The following PRTG variants were observed in gnomAD, a reference collection of about 807,000 sequenced individuals.
PRTG encodes protogenin, also known as immunoglobulin superfamily, DCC subclass, member 5.
Under a neutral mutation model 122.5 loss-of-function variants are expected in PRTG, and 67 were observed. The ratio of observed to expected loss-of-function variants is 0.55; its 90% confidence interval spans 0.45 to 0.67. The LOEUF (loss-of-function observed/expected upper bound fraction) is 0.67, where lower values mean the gene tolerates loss of function less well. Ranked by LOEUF, PRTG falls within the 30% of genes least tolerant of loss-of-function variation. The pLI is 0.00. For missense variants in PRTG, 1,435 were observed against 1,415.4 expected (o/e 1.01, Z -0.22); for synonymous variants, 554 against 501.1 (o/e 1.11, Z -1.41).
Position 55,742,915 on chromosome 15 carries a change from C to T in PRTG, c.17G>A (p.Arg6Gln). The T allele has an allele frequency of 6.6e-7, 1 of 1,525,828 alleles. No homozygotes were observed. The highest frequency in any genetic ancestry group is 2.3e-4 in the Middle Eastern group (1 of 4,312). 94.5% of individuals were successfully genotyped at this position (1,525,828 alleles called of 1,614,324 possible). A position where few individuals can be genotyped will look rare whatever the true frequency, so the allele number is the denominator to read the frequency against. Residue 6 changes from arginine (R) to glutamine (Q), a missense_variant, in exon 1 of 20, where the codon CGA becomes CAA. Coordinates refer to ENST00000389286, the MANE Select transcript of PRTG (RefSeq NM_173814.6). ...CGGCGGTCGCAGCCGGGCGAGGGGTCGCAGAGGAGGCGCCATTCAGCGTAG... is the reference window on the plus strand; with the variant it reads ...CGGCGGTCGCAGCCGGGCGAGGGGTTGCAGAGGAGGCGCCATTCAGCGTAG... MAPPLRPLARLRPPGM... is the reference protein window; with the variant it reads MAPPLQPLARLRPPGM...
In PRTG at chr15:55,677,815, G is replaced by A; in HGVS notation, c.1363C>T (p.His455Tyr). 4.3e-6 allele frequency: 7 copies of A among 1,613,800 alleles called. No homozygotes were observed. Among genetic ancestry groups the A allele is most frequent in the Non-Finnish European group, 5.1e-6 (6 of 1,179,782 alleles). Residue 455 changes from histidine (H) to tyrosine (Y), a missense_variant, in exon 8 of 20, where the codon CAC (histidine) becomes TAC (tyrosine). Physicochemically the swap from His to Tyr is moderately conservative, Grantham distance 83. Transcript: ENST00000389286. ...CGCTTACCTTCTGCTTTCATGTAGTGTACAGAATAGGCAATGACTTTGTCT... is the reference window on the plus strand; with the variant it reads ...CGCTTACCTTCTGCTTTCATGTAGTATACAGAATAGGCAATGACTTTGTCT... ...NSDKVIAYSV[H>Y]YMKAEGLNNE...
At chr15:55,741,632 G>C (rs1224521071) in intron 1 of PRTG, among the ~76,000 whole-genome samples, 4 of 152,198 alleles carry the variant, frequency 2.6e-5, no homozygotes, top group African/African-American at 7.2e-5. Flanking sequence ...GGTGAATGGA[G>C]AATGGGGGTG....
chr15:55,629,510 G>A (rs2059215784), intron 15 of PRTG, among the ~76,000 whole-genome samples: 1 of 150,014 alleles, frequency 6.7e-6, no homozygotes, highest in East Asian at 2.0e-4. Flanking sequence ...TTTGAAACAT[G>A]CACACGAAAA....
rs567434246 is a variant in PRTG, at chr15:55,719,838, C to T, written c.397+20544G>A. Among the ~76,000 whole-genome samples, 3 of 152,196 alleles carry T rather than the reference C, an allele frequency of 2.0e-5. No individual in the cohort carries two copies. In the East Asian group the frequency reaches 5.8e-4, roughly 29 times the overall value. Reference sequence around the variant, plus strand: ...CTTTCGGAGGTCGAGGTGGGCAGATCACCTGAGGTCAGGAGTTCAAGACCA... The same window carrying T: ...CTTTCGGAGGTCGAGGTGGGCAGATTACCTGAGGTCAGGAGTTCAAGACCA... On this transcript the variant is annotated intron_variant, in intron 2 of 19. Coordinates refer to ENST00000389286, the MANE Select transcript of PRTG (RefSeq NM_173814.6).
intron 2 of PRTG, among the ~76,000 whole-genome samples, chr15:55,738,007 TATA>T (rs1567121682): frequency 5.1e-4 from 31 of 60,486 alleles, no homozygotes; most frequent in South Asian, 4.8e-3. Flanking sequence ...TCTCTCTATA[TATA>T]TATATATATA....
intron 11 of PRTG, among the ~76,000 whole-genome samples, chr15:55,671,215 G>C (rs2059469267): frequency 1.3e-5 from 2 of 152,154 alleles, no homozygotes. Context: ...TGAGTCCAGG[G>C]AAGGACACAG....
intron 2 of PRTG, among the ~76,000 whole-genome samples, chr15:55,696,061 G>A (rs1327052863): frequency 6.6e-6 from 1 of 152,032 alleles, no homozygotes; most frequent in African/African-American, 2.4e-5. Context: ...GTTCATTTGA[G>A]GAGTTTGAGA....
intron 2 of PRTG, among the ~76,000 whole-genome samples, chr15:55,727,168 T>C (rs147791958): frequency 5.2e-4 from 79 of 151,068 alleles, no homozygotes; most frequent in African/African-American, 1.8e-3. Flanking sequence ...ACTAGAGTGG[T>C]GATAAATGAA....
At position 55,740,601 on chromosome 15, in the gene PRTG, A is replaced by G. The variant is rs1400449676; in HGVS notation, c.178T>C (p.Cys60Arg). The G allele has an allele frequency of 1.9e-6, 3 of 1,614,150 alleles. No individual in the cohort carries two copies. The highest frequency in any genetic ancestry group is 2.5e-6 in the Non-Finnish European group (3 of 1,180,014). ...VTRKDPVVLD[C>R]QAHGEVPIKV... ...ATAGGAACTTCTCCGTGAGCCTGGC[A>G]ATCTAAAACGACTGGGTCCTTTCTT... Residue 60 changes from cysteine (C) to arginine (R), a missense_variant, in exon 2 of 20, where the codon TGC (cysteine) becomes CGC (arginine). Physicochemically the swap from Cys to Arg is radical, Grantham distance 180 (BLOSUM62 -3). Transcript: ENST00000389286.
chr15:55,705,618 A>C (rs1293978432), intron 2 of PRTG, among the ~76,000 whole-genome samples: 2 of 150,350 alleles, frequency 1.3e-5, no homozygotes, highest in Non-Finnish European at 3.0e-5. Context: ...ACACCCAGCT[A>C]ATTTTTGTAT....
chr15:55,719,966 A>G (rs190717921), intron 2 of PRTG, among the ~76,000 whole-genome samples: 1 of 152,240 alleles, frequency 6.6e-6, no homozygotes, highest in Admixed American at 6.5e-5. Flanking sequence ...AGGCTGAGGC[A>G]AGAGAACTGC....
In PRTG at chr15:55,677,855, C is replaced by A. The variant is rs781485180; in HGVS notation, c.1323G>T (p.Arg441Ser). 15 of 1,613,818 alleles carry A rather than the reference C, an allele frequency of 9.3e-6. No individual in the cohort carries two copies. Among genetic ancestry groups the A allele is most frequent in the East Asian group, 2.2e-5 (1 of 44,872 alleles). Residue 441 changes from arginine (R) to serine (S), a missense_variant, in exon 8 of 20, where the codon AGG (arginine) becomes AGT (serine). Arg to Ser is a moderately radical substitution (Grantham distance 110). Transcript: ENST00000389286. ...SSSAILLAWE[R>S]PLYNSDKVIA... is the part of the protein sequence containing the mutation. ...TGACTTTGTCTGAATTATAAAGTGG[C>A]CTCTCCCAGGCTAAAAGAATGGCTG...
At position 55,624,281 on chromosome 15, in the gene PRTG, T is replaced by C. The variant is rs768667206; in HGVS notation, c.3093+61A>G. 114 of 1,495,596 alleles carry C rather than the reference T, an allele frequency of 7.6e-5. 2 individuals are homozygous for C. The highest frequency in any genetic ancestry group is 8.2e-5 in the Non-Finnish European group (89 of 1,089,884). The allele number at this position is 1,495,596 out of a possible 1,614,324, so 92.6% of individuals were successfully genotyped here. A position where few individuals can be genotyped will look rare whatever the true frequency, so the allele number is the denominator to read the frequency against. On this transcript the variant is annotated intron_variant, in intron 18 of 19. Coordinates refer to ENST00000389286, the MANE Select transcript of PRTG (RefSeq NM_173814.6). ...ATACAATTTTGGGGGAAGTACATTT[T>C]ACACACACAGGGAGGAGGAATGGAA...
chr15:55,626,972 T>A (rs1415661742), intron 17 of PRTG, 36 bp downstream of exon 17: 1 of 1,567,058 alleles, frequency 6.4e-7, no homozygotes, highest in South Asian at 1.2e-5. Flanking sequence ...AATTTAAATG[T>A]TTTTCACCTC....
chr15:55,619,988 C>A lies in PRTG; in HGVS notation c.*24G>T. 1 of 1,612,692 alleles carries A rather than the reference C, an allele frequency of 6.2e-7. No individual in the cohort carries two copies. The highest frequency in any genetic ancestry group is 8.5e-7 in the Non-Finnish European group (1 of 1,179,238). On this transcript the variant is annotated 3_prime_UTR_variant, in exon 20 of 20. Coordinates refer to ENST00000389286, the MANE Select transcript of PRTG (RefSeq NM_173814.6). ...ACACTTCCTCAATGCGGAATCTCCA[C>A]CTGAATCACTGCCAGTGAAAGAATC...
intron 17 of PRTG, among the ~76,000 whole-genome samples, chr15:55,624,821 T>C (rs1567072781): frequency 6.6e-6 from 1 of 152,212 alleles, no homozygotes; most frequent in Non-Finnish European, 1.5e-5. Context: ...CTGAGGATTA[T>C]TACACTAGCA....
chr15:55,694,244 T>C (rs2059620248), intron 2 of PRTG, among the ~76,000 whole-genome samples: 1 of 152,206 alleles, frequency 6.6e-6, no homozygotes, highest in Non-Finnish European at 1.5e-5. Flanking sequence ...CCTATAAAAG[T>C]ATTTAATTAG....
intron 10 of PRTG, 60 bp downstream of exon 10, chr15:55,673,311 A>G: frequency 8.4e-7 from 1 of 1,187,294 alleles, no homozygotes; most frequent in Non-Finnish European, 1.2e-6. Flanking sequence ...AATTTAGAGA[A>G]GAAAAACTTG....
At chr15:55,715,376 T>C (rs958353267) in intron 2 of PRTG, among the ~76,000 whole-genome samples, 12 of 152,238 alleles carry the variant, frequency 7.9e-5, no homozygotes, top group Admixed American at 7.9e-4. Flanking sequence ...ATTTGATTGA[T>C]TCATTGATTC....
Sources: allele counts gnomAD v4.1 joint callset (sites outside exome capture counted in the v4.1 genomes callset), GRCh38; gene constraint gnomAD v4.1.1; transcripts MANE v1.5; gene names NCBI Gene and HGNC (gene_info 2026-07-23, HGNC 2026-07-21).